Variants in REEP1 observed in about 807,000 individuals in gnomAD.
REEP1 encodes receptor expression-enhancing protein 1.
Under a neutral mutation model 40.3 loss-of-function variants are expected in REEP1, and 22 were observed. That is an observed-to-expected ratio of 0.55 (90% confidence interval 0.39 to 0.78). REEP1 has a LOEUF of 0.78. Ranked by LOEUF, REEP1 falls within the 30% of genes least tolerant of loss-of-function variation. The pLI is 0.00. For synonymous variants in REEP1, 116 were observed against 139.2 expected (o/e 0.83, Z 1.17); for missense variants, 280 against 361.1 (o/e 0.78, Z 1.82).
intron 1 of REEP1, among the ~76,000 whole-genome samples, chr2:86,305,939 C>T (rs1289038709): frequency 6.6e-6 from 1 of 152,186 alleles, no homozygotes; most frequent in East Asian, 1.9e-4. Context: ...CACTCGCCTG[C>T]TCGTAACCTT....
rs1422286629 is a variant in REEP1, at chr2:86,271,574, T to C, written c.106-7533A>G. ...TTTCAAAAAATGAAAGCTGTTCTGG[T>C]GAATCCATGTTGTCTTTGTGACTCT... On this transcript the variant is annotated intron_variant, in intron 2 of 8. Coordinates refer to ENST00000538924, the MANE Select transcript of REEP1 (RefSeq NM_001371279.1). Among the ~76,000 whole-genome samples the C allele has an allele frequency of 3.3e-5, 5 of 152,374 alleles. No individual in the cohort carries two copies. In the East Asian group the frequency reaches 9.6e-4, roughly 29 times the overall value.
chr2:86,219,871 T>C (rs1674325784), intron 8 of REEP1, 99 bp downstream of exon 8: 7 of 927,582 alleles, frequency 7.5e-6, no homozygotes, highest in African/African-American at 1.7e-5. Context: ...ATTGAGGAGA[T>C]GTTGGTGCCC....
chr2:86,230,583 A>G (rs1558873518), intron 6 of REEP1, among the ~76,000 whole-genome samples: 1 of 152,204 alleles, frequency 6.6e-6, no homozygotes. Context: ...AAGATGGCCC[A>G]TTTTGCTCCT....
rs563477043 is a variant in REEP1 at position 86,335,622 on chromosome 2, G to T, written c.32+1857C>A. ...TCCCAGAACTTTGGGAGGCCGAAGC[G>T]GGCGGATCACTAGGTCAGGAGTTCA... On this transcript the variant is annotated intron_variant, in intron 1 of 8. Coordinates refer to ENST00000538924, the MANE Select transcript of REEP1 (RefSeq NM_001371279.1). Among the ~76,000 whole-genome samples, 13 of 152,240 alleles carry T rather than the reference G, an allele frequency of 8.5e-5. No homozygotes were observed. The South Asian group carries it at 2.5e-3, about 29-fold the overall frequency.
At chr2:86,217,968 G>T (rs1177318137) in intron 8 of REEP1, among the ~76,000 whole-genome samples, 1 of 151,958 alleles carries the variant, frequency 6.6e-6, no homozygotes, top group Non-Finnish European at 1.5e-5. Flanking sequence ...ACTTGAGGGG[G>T]TTCACACAAC....
At chr2:86,229,517 C>T (rs1390135806) in intron 6 of REEP1, among the ~76,000 whole-genome samples, 1 of 151,648 alleles carries the variant, frequency 6.6e-6, no homozygotes, top group Non-Finnish European at 1.5e-5. Flanking sequence ...GACCTTACTT[C>T]AGGGTATGAT....
In REEP1 at chr2:86,292,070, T is replaced by G. The variant is rs558877583; in HGVS notation, c.33-9828A>C. The stretch of plus-strand genomic sequence containing the variant: ...TTAAGCAACCCAGCTTTATTGTGTG[T>G]GGTAGAAAGAGGCTGGGCTTTGACT... On this transcript the variant is annotated intron_variant, in intron 1 of 8. Transcript: ENST00000538924. 2.6e-5 allele frequency among the ~76,000 whole-genome samples: 4 copies of G among 152,342 alleles called. No individual in the cohort carries two copies. In the South Asian group the frequency reaches 8.3e-4, roughly 32 times the overall value.
intron 2 of REEP1, among the ~76,000 whole-genome samples, chr2:86,265,607 A>T (rs1677089901): frequency 6.6e-6 from 1 of 152,230 alleles, no homozygotes; most frequent in South Asian, 2.1e-4. Flanking sequence ...ATACTACCCA[A>T]CCATAATAAA....
chr2:86,231,506 C>T (rs1675015341), intron 6 of REEP1, among the ~76,000 whole-genome samples: 1 of 152,216 alleles, frequency 6.6e-6, no homozygotes, highest in African/African-American at 2.4e-5. Context: ...TGGCTAAGAC[C>T]CCCGGGCATC....
chr2:86,315,580 G>A (rs1178158718), intron 1 of REEP1, among the ~76,000 whole-genome samples: 2 of 152,228 alleles, frequency 1.3e-5, no homozygotes, highest in African/African-American at 4.8e-5. Flanking sequence ...GAGTGCACCT[G>A]CTGAGTGAAT....
intron 5 of REEP1, among the ~76,000 whole-genome samples, chr2:86,236,399 T>G (rs1017372072): frequency 6.6e-6 from 1 of 152,202 alleles, no homozygotes; most frequent in African/African-American, 2.4e-5. Flanking sequence ...CCACGAGTTG[T>G]TCATTGGTAT....
chr2:86,317,580 C>T (rs920442894), intron 1 of REEP1, among the ~76,000 whole-genome samples: 1 of 152,228 alleles, frequency 6.6e-6, no homozygotes, highest in African/African-American at 2.4e-5. Context: ...GGTAAAACTG[C>T]CGCTAGTACT....
intron 6 of REEP1, among the ~76,000 whole-genome samples, chr2:86,227,647 G>T (rs1674784885): frequency 6.6e-6 from 1 of 152,196 alleles, no homozygotes. Flanking sequence ...CAGCCCTAGG[G>T]AAGGCCGGAG....
chr2:86,237,503 CTCTT>C (rs1429946442), intron 5 of REEP1, among the ~76,000 whole-genome samples: 1 of 152,094 alleles, frequency 6.6e-6, no homozygotes, highest in Admixed American at 6.6e-5. Context: ...TTTTCTTTCT[CTCTT>C]TTTGTTTTTT....
At chr2:86,275,959 G>A (rs1297197892) in intron 2 of REEP1, among the ~76,000 whole-genome samples, 1 of 152,156 alleles carries the variant, frequency 6.6e-6, no homozygotes, top group East Asian at 1.9e-4. Context: ...TACATTGTTG[G>A]CCCAACGCTT....
intron 1 of REEP1, 79 bp from the exon 2 acceptor site, chr2:86,282,321 G>A: frequency 9.4e-7 from 1 of 1,069,018 alleles, no homozygotes; most frequent in Admixed American, 1.7e-5. Context: ...TCAATGCCAA[G>A]AGCAACTCTC....
At chr2:86,232,975 G>A (rs1675114067) in intron 5 of REEP1, among the ~76,000 whole-genome samples, 173 bp from the exon 6 acceptor site, 1 of 152,154 alleles carries the variant, frequency 6.6e-6, no homozygotes, top group African/African-American at 2.4e-5. Flanking sequence ...GTCAAATCCC[G>A]GAATTTTCCA....
chr2:86,279,909 G>A (rs570158568), intron 2 of REEP1: 16 of 454,852 alleles, frequency 3.5e-5, no homozygotes, highest in African/African-American at 2.4e-4. Flanking sequence ...CTAAGTTCAC[G>A]GTAATTTGTA....
At chr2:86,239,220 A>AAAG (rs952692848) in intron 5 of REEP1, among the ~76,000 whole-genome samples, 27 of 150,578 alleles carry the variant, frequency 1.8e-4, no homozygotes, top group Non-Finnish European at 3.7e-4. Flanking sequence ...AAAAAAAAAA[A>AAAG]AAAAAAAAAA....
Sources: gnomAD v4.1 joint callset for allele counts (sites outside exome capture counted in the v4.1 genomes callset) on GRCh38, gnomAD v4.1.1 for gene constraint, MANE v1.5 for transcripts, NCBI Gene and HGNC (gene_info 2026-07-23, HGNC 2026-07-21) for gene names.